The following ATP6V0A4 variants were observed in gnomAD, a reference collection of about 807,000 sequenced individuals.
ATP6V0A4 encodes ATPase H+ transporting V0 subunit a4, also known as V-type proton ATPase 116 kDa subunit a 4.
ATP6V0A4 carries 86 observed loss-of-function variants against 107.3 expected under a neutral mutation model. That is an observed-to-expected ratio of 0.80 (90% CI 0.67 to 0.96). The LOEUF is 0.96. Ranked by LOEUF, ATP6V0A4 falls within the 40% of genes least tolerant of loss-of-function variation. The pLI, the probability that ATP6V0A4 is intolerant of heterozygous loss-of-function variation, is 0.00. For synonymous variants in ATP6V0A4, 353 were observed against 381.4 expected, an observed-to-expected ratio of 0.93 and a Z score of 0.87; for missense variants, 908 against 1,045.6, an observed-to-expected ratio of 0.87 and a Z score of 1.81.
At chr7:138,794,132 T>C (rs1808547569) in intron 1 of ATP6V0A4, among the ~76,000 whole-genome samples, 1 of 152,130 alleles carries the variant, frequency 6.6e-6, no homozygotes, top group South Asian at 2.1e-4. Context: ...TCTAGATGTT[T>C]CGGTCCCACA....
At chr7:138,754,341 G>A (rs1332683003) in intron 10 of ATP6V0A4, among the ~76,000 whole-genome samples, 2 of 151,406 alleles carry the variant, frequency 1.3e-5, no homozygotes, top group African/African-American at 2.4e-5. Flanking sequence ...CCAGCTACTC[G>A]GAAGGCTGAG....
In ATP6V0A4 at chr7:138,798,133, C is replaced by T. The variant is rs1034232449; in HGVS notation, c.-220G>A. The T allele has an allele frequency of 3.7e-6, 6 of 1,601,382 alleles. No individual in the cohort carries two copies. Among genetic ancestry groups the T allele is most frequent in the Non-Finnish European group, 5.1e-6 (6 of 1,174,682 alleles). Reference sequence around the variant, plus strand: ...CAGCGCCTCCCCGCTGCCACCCGGGCCACCCTGATCCTCAGCCTGGCCTTT... The same window carrying T: ...CAGCGCCTCCCCGCTGCCACCCGGGTCACCCTGATCCTCAGCCTGGCCTTT... On this transcript the variant is annotated 5_prime_UTR_variant, in exon 1 of 22. Coordinates refer to ENST00000310018, the MANE Select transcript of ATP6V0A4 (RefSeq NM_020632.3).
Position 138,755,764 on chromosome 7 carries a change from G to A in ATP6V0A4, c.741C>T (p.Tyr247=). The part of the protein sequence containing the change: ...KICDGFRATV[Y]PCPEPAVERR... ...GCTCCACCGCAGGCTCTGGGCAAGG[G>A]TAGACAGTGGCTCGAAACCTGTGTT... is the stretch of plus-strand genomic sequence containing the variant. Residue 247 remains tyrosine, a synonymous_variant, in exon 10 of 22, where the codon TAC becomes TAT. Transcript: ENST00000310018. The A allele has an allele frequency of 2.5e-6, 4 of 1,613,616 alleles. No individual in the cohort carries two copies. The South Asian group carries it at 3.3e-5, about 13-fold the overall frequency.
At chr7:138,716,322 C>T (rs1181031330) in intron 19 of ATP6V0A4, among the ~76,000 whole-genome samples, 1 of 152,090 alleles carries the variant, frequency 6.6e-6, no homozygotes, top group Non-Finnish European at 1.5e-5. Flanking sequence ...AGACAGTCCT[C>T]CTGTGTGGAA....
intron 14 of ATP6V0A4, among the ~76,000 whole-genome samples, chr7:138,744,250 T>A (rs1256496946): frequency 6.6e-6 from 1 of 151,462 alleles, no homozygotes; most frequent in East Asian, 1.9e-4. Flanking sequence ...TTTTTTTTTT[T>A]TTTTTCAGTT....
Position 138,756,747 on chromosome 7 carries a change from A to T in ATP6V0A4, c.640-207T>A, listed in dbSNP as rs970390420. ...ACCTCACAGAGGCTAATGCAGCCTTAAGGTGACAGGCTCCCTGTTCCCGAT... is the reference window on the plus strand; with the variant it reads ...ACCTCACAGAGGCTAATGCAGCCTTTAGGTGACAGGCTCCCTGTTCCCGAT... On this transcript the variant is annotated intron_variant, in intron 8 of 21. Coordinates refer to ENST00000310018, the MANE Select transcript of ATP6V0A4 (RefSeq NM_020632.3). 10 of 224,472 alleles carry T rather than the reference A, an allele frequency of 4.5e-5. No individual in the cohort carries two copies. The Admixed American group carries it at 6.5e-4, about 15-fold the overall frequency. The allele number at this position is 224,472 out of a possible 1,614,324, so 13.9% of individuals were successfully genotyped here.
At chr7:138,724,196 A>G (rs1477636205) in intron 18 of ATP6V0A4, among the ~76,000 whole-genome samples, 1 of 151,422 alleles carries the variant, frequency 6.6e-6, no homozygotes, top group Non-Finnish European at 1.5e-5. Context: ...CCTCAAAAAA[A>G]AAAAAAAAAA....
rs73463927 is a variant in ATP6V0A4, at chr7:138,756,413, T to A, written c.722+45A>T. 4,743 of 1,612,022 alleles carry A rather than the reference T, an allele frequency of 2.9e-3. 104 individuals are homozygous for A. The African/African-American group carries it at 0.048, about 16-fold the overall frequency. ...TGGCATTGCACATCTCTTTATCTAA[T>A]CCTGGCCCAAATCACTGAAGAAAGA... On this transcript the variant is annotated intron_variant, in intron 9 of 21. Coordinates refer to ENST00000310018, the MANE Select transcript of ATP6V0A4 (RefSeq NM_020632.3).
intron 7 of ATP6V0A4, among the ~76,000 whole-genome samples, chr7:138,761,161 C>T (rs555964586): frequency 6.6e-6 from 1 of 152,004 alleles, no homozygotes; most frequent in Non-Finnish European, 1.5e-5. Context: ...CACAGTGAGG[C>T]CTTGTCTCTA....
chr7:138,732,881 T>A lies in ATP6V0A4; in HGVS notation c.1904A>T (p.His635Leu). 1 of 1,605,260 alleles carries A rather than the reference T, an allele frequency of 6.2e-7. No homozygotes were observed. The highest frequency in any genetic ancestry group is 8.5e-7 in the Non-Finnish European group (1 of 1,175,904). Reference sequence around the variant, plus strand: ...AAAAAAAAATAGCAGAAATACCTGATGTTTGTAGAGGGGTGCGTTGGAAGA... The same window carrying A: ...AAAAAAAAATAGCAGAAATACCTGAAGTTTGTAGAGGGGTGCGTTGGAAGA... ...SDSSNAPLYK[H>L]QQEVQSFFVV... Residue 635 changes from histidine to leucine, a missense_variant, in exon 17 of 22, where the codon CAT becomes CTT. By Grantham distance (99) the His-to-Leu change is moderately conservative. Coordinates refer to ENST00000310018, the MANE Select transcript of ATP6V0A4 (RefSeq NM_020632.3).
chr7:138,791,506 G>A (rs768244386), intron 1 of ATP6V0A4, among the ~76,000 whole-genome samples: 28 of 152,078 alleles, frequency 1.8e-4, no homozygotes, highest in Non-Finnish European at 3.8e-4. Flanking sequence ...GACAAAAAAG[G>A]AATCCATACT....
In ATP6V0A4 at chr7:138,784,235, CGT is replaced by C. The variant is rs869124703; in HGVS notation, c.-18+1921_-18+1922del. ...AACATTATATATATATATATATATACGTATATATATATATATACATATATATA... is the reference window on the plus strand; with the variant it reads ...AACATTATATATATATATATATATACATATATATATATATACATATATATA... On this transcript the variant is annotated intron_variant, in intron 2 of 21. Transcript: ENST00000310018. Among the ~76,000 whole-genome samples, 44 of 91,034 alleles carry C rather than the reference CGT, an allele frequency of 4.8e-4. 2 individuals are homozygous for C. Among genetic ancestry groups the C allele is most frequent in the East Asian group, 2.1e-3 (8 of 3,874 alleles). The allele number at this position is 91,034 out of a possible 152,430, so 59.7% of individuals were successfully genotyped here. A position where few individuals can be genotyped will look rare whatever the true frequency, so the allele number is the denominator to read the frequency against.
intron 20 of ATP6V0A4, among the ~76,000 whole-genome samples, chr7:138,711,529 C>A (rs1803742721): frequency 6.6e-6 from 1 of 152,164 alleles, no homozygotes; most frequent in African/African-American, 2.4e-5. Flanking sequence ...AGGCCTGCCA[C>A]TTGCAAGCGG....
intron 9 of ATP6V0A4, 178 bp from the exon 10 acceptor site, chr7:138,755,960 C>T: frequency 8.8e-7 from 1 of 1,142,600 alleles, no homozygotes; most frequent in Non-Finnish European, 1.2e-6. Flanking sequence ...CAGTACGTCA[C>T]TTGTGCTGTG....
At chr7:138,793,537 C>T (rs1322907672) in intron 1 of ATP6V0A4, among the ~76,000 whole-genome samples, 3 of 152,132 alleles carry the variant, frequency 2.0e-5, no homozygotes, top group African/African-American at 7.2e-5. Flanking sequence ...ACACAATTAG[C>T]ACTCTTGATC....
At chr7:138,758,349 G>C (rs1412713360) in intron 8 of ATP6V0A4, among the ~76,000 whole-genome samples, 1 of 152,092 alleles carries the variant, frequency 6.6e-6, no homozygotes, top group Non-Finnish European at 1.5e-5. Flanking sequence ...TACAAATGAA[G>C]ACATTAGAGT....
At chr7:138,724,757 C>A (rs886178650) in intron 18 of ATP6V0A4, among the ~76,000 whole-genome samples, 2 of 152,074 alleles carry the variant, frequency 1.3e-5, no homozygotes, top group African/African-American at 2.4e-5. Flanking sequence ...CATTTCCAAC[C>A]CTAAACTCTA....
In ATP6V0A4 at chr7:138,761,124, T is replaced by C. The variant is rs151126256; in HGVS notation, c.512+1216A>G. Reference sequence around the variant, plus strand: ...CACCACATCTGACCCCCATTTCTAATTACATTTAAAAATGTATCCCGGGCA... The same window carrying C: ...CACCACATCTGACCCCCATTTCTAACTACATTTAAAAATGTATCCCGGGCA... On this transcript the variant is annotated intron_variant, in intron 7 of 21. Coordinates refer to ENST00000310018, the MANE Select transcript of ATP6V0A4 (RefSeq NM_020632.3). 1.8e-3 allele frequency among the ~76,000 whole-genome samples: 271 copies of C among 152,270 alleles called. 1 individual carries two copies. Among genetic ancestry groups the C allele is most frequent in the African/African-American group, 6.2e-3 (257 of 41,562 alleles).
chr7:138,713,141 T>TA (rs771014044), intron 20 of ATP6V0A4, among the ~76,000 whole-genome samples: 19,054 of 141,062 alleles, frequency 0.14, 1,478 homozygotes, highest in Middle Eastern at 0.25. Context: ...ATACAAAAAT[T>TA]AAAAAAAAAA....
Sources: allele counts gnomAD v4.1 joint callset (sites outside exome capture counted in the v4.1 genomes callset), GRCh38; gene constraint gnomAD v4.1.1; transcripts MANE v1.5; gene names NCBI Gene and HGNC (gene_info 2026-07-23, HGNC 2026-07-21).